NELL2: variants seen among roughly 807,000 people sequenced by gnomAD.
NELL2 encodes protein kinase C-binding protein NELL2.
A neutral mutation model predicts 109.6 loss-of-function variants in NELL2; 41 were observed. That is an observed-to-expected ratio of 0.37 (90% CI 0.29 to 0.49). The LOEUF is 0.49. NELL2 is among the 20% of genes least tolerant of loss of function. The pLI is 0.98. For synonymous variants in NELL2, 355 were observed against 344.7 expected (o/e 1.03, Z -0.33); for missense variants, 900 against 1,008.3 (o/e 0.89, Z 1.45).
intron 16 of NELL2, among the ~76,000 whole-genome samples, chr12:44,532,214 C>T (rs947216114): frequency 1.5e-4 from 23 of 152,018 alleles, no homozygotes; most frequent in African/African-American, 5.3e-4. Flanking sequence ...TTCCTCTATC[C>T]CCATTTTCCC....
chr12:44,644,596 A>ATATATG (rs1555190838), intron 13 of NELL2, among the ~76,000 whole-genome samples: 1 of 82,852 alleles, frequency 1.2e-5, no homozygotes, highest in South Asian at 3.7e-4. Flanking sequence ...ATATATATAT[A>ATATATG]TATATATGTA....
At chr12:44,680,414 A>AT (rs1948458129) in intron 12 of NELL2, among the ~76,000 whole-genome samples, 1 of 152,190 alleles carries the variant, frequency 6.6e-6, no homozygotes, top group Admixed American at 6.5e-5. Context: ...GATATGAACA[A>AT]TTTTTTAAAA....
At chr12:44,808,074 A>T (rs148507705) in intron 3 of NELL2, among the ~76,000 whole-genome samples, 3,592 of 152,178 alleles carry the variant, frequency 0.024, 56 homozygotes, top group Non-Finnish European at 0.034. Context: ...CCCATCTAGG[A>T]GGAAAATACC....
At chr12:44,875,602 C>T (rs760277846) in intron 1 of NELL2, 2 of 1,613,490 alleles carry the variant, frequency 1.2e-6, no homozygotes, top group Admixed American at 1.7e-5. Context: ...CCCCTCAGCC[C>T]TCCGACCCTG....
At chr12:44,524,506 T>C (rs1268514632) in intron 16 of NELL2, among the ~76,000 whole-genome samples, 1 of 152,230 alleles carries the variant, frequency 6.6e-6, no homozygotes, top group African/African-American at 2.4e-5. Flanking sequence ...CGCTGTATAC[T>C]GATTCTCCTT....
chr12:44,591,883 T>C (rs1404243891), intron 15 of NELL2, among the ~76,000 whole-genome samples: 1 of 152,178 alleles, frequency 6.6e-6, no homozygotes, highest in Non-Finnish European at 1.5e-5. Flanking sequence ...TTCATAAATA[T>C]GTACTACTAT....
At chr12:44,903,948 G>A (rs1159275616) in intron 1 of NELL2, among the ~76,000 whole-genome samples, 1 of 151,972 alleles carries the variant, frequency 6.6e-6, no homozygotes, top group Admixed American at 6.6e-5. Flanking sequence ...ATGATGGGTT[G>A]ATGGGTGCAG....
chr12:44,843,152 G>A (rs540091281), intron 2 of NELL2, among the ~76,000 whole-genome samples: 2 of 151,768 alleles, frequency 1.3e-5, no homozygotes, highest in Non-Finnish European at 2.9e-5. Context: ...ATTTGGGGAA[G>A]GGGAGAGGTA....
chr12:44,794,759 G>A (rs1942560302), intron 3 of NELL2, among the ~76,000 whole-genome samples: 1 of 152,100 alleles, frequency 6.6e-6, no homozygotes, highest in Admixed American at 6.6e-5. Context: ...AATTGTTTGA[G>A]TGATAGAACT....
chr12:44,819,406 T>C (rs1300847927), intron 2 of NELL2, among the ~76,000 whole-genome samples: 1 of 152,226 alleles, frequency 6.6e-6, no homozygotes, highest in African/African-American at 2.4e-5. Context: ...CTAAACTACC[T>C]TTCCCAAATC....
At chr12:44,743,522 A>C (rs1283898663) in intron 9 of NELL2, among the ~76,000 whole-genome samples, 2 of 152,104 alleles carry the variant, frequency 1.3e-5, no homozygotes. Flanking sequence ...GGATAGAGTC[A>C]AGACCCATCA....
intron 9 of NELL2, among the ~76,000 whole-genome samples, chr12:44,769,266 C>T (rs1409593365): frequency 6.6e-6 from 1 of 151,972 alleles, no homozygotes; most frequent in Non-Finnish European, 1.5e-5. Flanking sequence ...GAAAATAGTT[C>T]TTTGGAAAAG....
At chr12:44,806,153 A>C (rs1377519418) in intron 3 of NELL2, among the ~76,000 whole-genome samples, 1 of 151,908 alleles carries the variant, frequency 6.6e-6, no homozygotes, top group Non-Finnish European at 1.5e-5. Flanking sequence ...TTAAAAATAT[A>C]GACGATAATG....
At chr12:44,563,301 C>T (rs1288780194) in intron 15 of NELL2, among the ~76,000 whole-genome samples, 1 of 151,294 alleles carries the variant, frequency 6.6e-6, no homozygotes, top group East Asian at 1.9e-4. Context: ...TATCCCAGAA[C>T]TTAAAGTATA....
chr12:44,761,718 T>A (rs1941134725), intron 9 of NELL2, among the ~76,000 whole-genome samples: 2 of 152,164 alleles, frequency 1.3e-5, no homozygotes, highest in Admixed American at 6.6e-5. Context: ...TGAAATCACA[T>A]CTTTTGAAGC....
At chr12:44,599,347 AAAG>A (rs1432276210) in intron 15 of NELL2, among the ~76,000 whole-genome samples, 1 of 152,168 alleles carries the variant, frequency 6.6e-6, no homozygotes, top group African/African-American at 2.4e-5. Flanking sequence ...GAAAGACATA[AAAG>A]AAGGAATCAA....
Position 44,607,190 on chromosome 12 carries a change from T to G in NELL2, c.1642A>C (p.Thr548Pro). ...TTACCCGTTTCACAGCTGGGTCCAG[T>G]GAAGCCTTGTGGGCAGGCACACACA... ...ANVCACPQGF[T>P]GPSCETDIDE... is the part of the protein sequence containing the mutation. Residue 548 changes from threonine to proline, a missense_variant, in exon 15 of 20, where the codon ACT (threonine) becomes CCT (proline). By Grantham distance (38) the Thr-to-Pro change is conservative. This residue lies in a region of NELL2 where 333 missense variants were observed against 432.3 expected (regional missense o/e 0.77). Coordinates refer to ENST00000429094, the MANE Select transcript of NELL2 (RefSeq NM_001145108.2). 1 of 1,612,546 alleles carries G rather than the reference T, an allele frequency of 6.2e-7. No homozygotes were observed. The highest frequency in any genetic ancestry group is 8.5e-7 in the Non-Finnish European group (1 of 1,179,102).
rs866783352 is a variant in NELL2 at position 44,745,103 on chromosome 12, C to A, written c.994+29644G>T. Among the ~76,000 whole-genome samples the A allele has an allele frequency of 2.0e-5, 3 of 152,204 alleles. No homozygotes were observed. The South Asian group carries it at 6.2e-4, about 32-fold the overall frequency. ...AGCAGCACATCGAAAAGCTTATCCA[C>A]CATAATCGAGTGGGCTTCATCCCTG... On this transcript the variant is annotated intron_variant, in intron 9 of 19. Coordinates refer to ENST00000429094, the MANE Select transcript of NELL2 (RefSeq NM_001145108.2).
chr12:44,591,421 T>C (rs1015455553), intron 15 of NELL2, among the ~76,000 whole-genome samples: 4 of 152,082 alleles, frequency 2.6e-5, no homozygotes, highest in Non-Finnish European at 4.4e-5. Context: ...GTGGTATATA[T>C]ACATGATGGA....
Sources: allele counts gnomAD v4.1 joint callset (sites outside exome capture counted in the v4.1 genomes callset), GRCh38; gene constraint gnomAD v4.1.1; regional missense constraint gnomAD v4.1.1; transcripts MANE v1.5; gene names NCBI Gene and HGNC (gene_info 2026-07-23, HGNC 2026-07-21).